The following KCNH5 variants were observed in gnomAD, a reference collection of about 807,000 sequenced individuals.
KCNH5 encodes voltage-gated delayed rectifier potassium channel KCNH5.
KCNH5 carries 46 observed loss-of-function variants against 96.1 expected under a neutral mutation model. The observed-to-expected ratio is 0.48, with a 90% CI of 0.38 to 0.61. The LOEUF is 0.61. Ranked by LOEUF, KCNH5 falls within the 20% of genes least tolerant of loss-of-function variation. The probability of loss-of-function intolerance (pLI) is 0.00; values close to 1 mark genes in which losing one functional copy is unlikely to be tolerated. For synonymous variants in KCNH5, 439 were observed against 449.8 expected (o/e 0.98, Z 0.30); for missense variants, 907 against 1,225.8 (o/e 0.74, Z 3.88).
intron 7 of KCNH5, among the ~76,000 whole-genome samples, chr14:62,935,865 G>A (rs118166427): frequency 0.019 from 2,948 of 152,210 alleles, 58 homozygotes; most frequent in East Asian, 0.08. Context: ...TCTGAGAGTC[G>A]GCTGGCTCCC....
chr14:62,754,717 C>T (rs947436396), intron 10 of KCNH5, among the ~76,000 whole-genome samples: 1 of 148,986 alleles, frequency 6.7e-6, no homozygotes, highest in African/African-American at 2.5e-5. Flanking sequence ...ACTAAAAATA[C>T]AAAAAAAAAT....
At chr14:62,917,989 C>T (rs1232153546) in intron 7 of KCNH5, among the ~76,000 whole-genome samples, 3 of 152,108 alleles carry the variant, frequency 2.0e-5, no homozygotes, top group African/African-American at 7.2e-5. Context: ...CTCTGCTGTT[C>T]CATCTGTCTA....
chr14:63,042,010 G>C (rs192222687), intron 1 of KCNH5, among the ~76,000 whole-genome samples: 38 of 152,214 alleles, frequency 2.5e-4, no homozygotes, highest in South Asian at 8.3e-4. Flanking sequence ...TCAAAAAAAT[G>C]TTCTGGTAAA....
chr14:62,875,695 A>G (rs1259384831), intron 7 of KCNH5, among the ~76,000 whole-genome samples: 2 of 152,344 alleles, frequency 1.3e-5, no homozygotes, highest in East Asian at 1.9e-4. Context: ...TATATACCCA[A>G]AGAAATATAA....
At chr14:62,914,406 CAGAG>C (rs1889233336) in intron 7 of KCNH5, among the ~76,000 whole-genome samples, 2 of 152,126 alleles carry the variant, frequency 1.3e-5, no homozygotes, top group Admixed American at 6.5e-5. Flanking sequence ...AAACTGTACT[CAGAG>C]AGACAGTTGG....
At chr14:62,854,141 A>G (rs1198485871) in intron 7 of KCNH5, among the ~76,000 whole-genome samples, 1 of 151,750 alleles carries the variant, frequency 6.6e-6, no homozygotes, top group Non-Finnish European at 1.5e-5. Flanking sequence ...ATAATTTATC[A>G]CTACTTTAAC....
chr14:62,874,288 A>G (rs1888323520), intron 7 of KCNH5, among the ~76,000 whole-genome samples: 1 of 152,188 alleles, frequency 6.6e-6, no homozygotes, highest in African/African-American at 2.4e-5. Context: ...AGAAAAAAAA[A>G]CCTCATCAAA....
At chr14:62,824,098 A>G (rs1887170256) in intron 8 of KCNH5, among the ~76,000 whole-genome samples, 1 of 152,212 alleles carries the variant, frequency 6.6e-6, no homozygotes, top group Admixed American at 6.6e-5. Context: ...AAAATTCACC[A>G]AGATGAGCCC....
chr14:62,961,276 T>C (rs929780162), intron 6 of KCNH5, among the ~76,000 whole-genome samples: 2 of 152,142 alleles, frequency 1.3e-5, no homozygotes, highest in African/African-American at 4.8e-5. Flanking sequence ...CACTCTGTCA[T>C]ATAGGACTTC....
chr14:62,796,900 T>C (rs1020709484), intron 9 of KCNH5, among the ~76,000 whole-genome samples: 15 of 152,326 alleles, frequency 9.8e-5, no homozygotes, highest in African/African-American at 3.6e-4. Flanking sequence ...AGATAGGTGA[T>C]ACACAAATGG....
At chr14:63,002,565 G>T (rs80098243) in intron 3 of KCNH5, among the ~76,000 whole-genome samples, 41 of 152,140 alleles carry the variant, frequency 2.7e-4, no homozygotes, top group Non-Finnish European at 4.9e-4. Context: ...ATAGTCTGTA[G>T]GTAAGACCCT....
rs1566703759 is a variant in KCNH5 at position 62,909,030 on chromosome 14, G to GTTTTTTT, written c.1369+41102_1369+41103insAAAAAAA. ...TCAAACATAGAAAACACTATGCTAC[G>GTTTTTTT]TATTTTTTTTTTTTTTTTTTTTTTT... On this transcript the variant is annotated intron_variant, in intron 7 of 10. Coordinates refer to ENST00000322893, the MANE Select transcript of KCNH5 (RefSeq NM_139318.5). Among the ~76,000 whole-genome samples the GTTTTTTT allele has an allele frequency of 1.5e-4, 15 of 100,786 alleles. 1 individual carries two copies. The highest frequency in any genetic ancestry group is 6.0e-4 in the African/African-American group (15 of 25,040). The allele number at this position is 100,786 out of a possible 152,430, so 66.1% of individuals were successfully genotyped here.
chr14:62,894,310 T>C (rs1354190793), intron 7 of KCNH5, among the ~76,000 whole-genome samples: 9 of 152,086 alleles, frequency 5.9e-5, no homozygotes, highest in African/African-American at 2.2e-4. Context: ...GCACACTGAA[T>C]CTAAGTATTA....
At chr14:62,713,404 T>C (rs1415499160) in intron 10 of KCNH5, among the ~76,000 whole-genome samples, 2 of 152,238 alleles carry the variant, frequency 1.3e-5, no homozygotes, top group Non-Finnish European at 2.9e-5. Context: ...CTGGGTAGAC[T>C]CAGGTTCAAA....
chr14:62,767,547 T>C (rs911915774), intron 10 of KCNH5, among the ~76,000 whole-genome samples: 1 of 152,220 alleles, frequency 6.6e-6, no homozygotes, highest in Non-Finnish European at 1.5e-5. Flanking sequence ...CAGGAGGCTA[T>C]TGCCCTAAGT....
intron 7 of KCNH5, among the ~76,000 whole-genome samples, chr14:62,919,314 A>G (rs1889336808): frequency 6.6e-6 from 1 of 152,098 alleles, no homozygotes; most frequent in Admixed American, 6.6e-5. Context: ...TTTTCATTTT[A>G]TTAGAAAACA....
rs548691123 is a variant in KCNH5 at position 62,947,318 on chromosome 14, C to A, written c.1369+2815G>T. Among the ~76,000 whole-genome samples, 6 of 152,164 alleles carry A rather than the reference C, an allele frequency of 3.9e-5. No individual in the cohort carries two copies. The South Asian group carries it at 1.2e-3, about 32-fold the overall frequency. On this transcript the variant is annotated intron_variant, in intron 7 of 10. Coordinates refer to ENST00000322893, the MANE Select transcript of KCNH5 (RefSeq NM_139318.5). ...TGAATTTATAAAGTACATTTTTGCC[C>A]ATACATCTTACCACTTTGTATACGT... is the stretch of plus-strand genomic sequence containing the variant.
chr14:62,839,173 A>G (rs946197891), intron 8 of KCNH5, among the ~76,000 whole-genome samples: 1 of 152,220 alleles, frequency 6.6e-6, no homozygotes, highest in Non-Finnish European at 1.5e-5. Context: ...TTACAAAATC[A>G]TACAGATAAA....
intron 7 of KCNH5, among the ~76,000 whole-genome samples, chr14:62,875,942 G>C (rs186513338): frequency 3.9e-5 from 6 of 152,332 alleles, no homozygotes; most frequent in Admixed American, 3.9e-4. Flanking sequence ...GCCGAGGCAG[G>C]CAAATCATGA....
Sources: allele counts gnomAD v4.1 joint callset (sites outside exome capture counted in the v4.1 genomes callset), GRCh38; gene constraint gnomAD v4.1.1; transcripts MANE v1.5; gene names NCBI Gene and HGNC (gene_info 2026-07-23, HGNC 2026-07-21).